The following COP1 variants were observed in gnomAD, a reference collection of about 807,000 sequenced individuals.
The protein encoded by COP1 is E3 ubiquitin-protein ligase COP1.
A neutral mutation model predicts 101.3 loss-of-function variants in COP1; 24 were observed. The observed-to-expected ratio is 0.24, with a 90% CI of 0.17 to 0.33. COP1 has a LOEUF of 0.33. Ranked by LOEUF, COP1 falls within the 10% of genes least tolerant of loss-of-function variation. The pLI, the probability that COP1 is intolerant of heterozygous loss-of-function variation, is 1.00. For synonymous variants in COP1, 347 were observed against 341.9 expected, an observed-to-expected ratio of 1.01 and a Z score of -0.17; for missense variants, 663 against 906.2, an observed-to-expected ratio of 0.73 and a Z score of 3.45.
intron 18 of COP1, among the ~76,000 whole-genome samples, chr1:175,949,121 C>T (rs553284049): frequency 4.0e-4 from 55 of 137,250 alleles, no homozygotes; most frequent in Middle Eastern, 4.2e-3. Flanking sequence ...AAAGATTGCA[C>T]CACTGCACTC....
At chr1:176,178,625 G>A (rs963155891) in intron 2 of COP1, among the ~76,000 whole-genome samples, 13 of 152,274 alleles carry the variant, frequency 8.5e-5, no homozygotes, top group African/African-American at 1.7e-4. Flanking sequence ...GCCAAGGCCG[G>A]CAGATCACCT....
At chr1:176,034,679 G>A (rs1435914345) in intron 14 of COP1, among the ~76,000 whole-genome samples, 1 of 152,156 alleles carries the variant, frequency 6.6e-6, no homozygotes. Flanking sequence ...TGCATTCACT[G>A]GCACAGTCAC....
chr1:176,116,696 G>C lies in COP1; in HGVS notation c.969-15C>G, dbSNP rs1345942025. 2 of 1,575,292 alleles carry C rather than the reference G, an allele frequency of 1.3e-6. No homozygotes were observed. Among genetic ancestry groups the C allele is most frequent in the Admixed American group, 3.5e-5 (2 of 56,454 alleles). On this transcript the variant is annotated splice_polypyrimidine_tract_variant and intron_variant, in intron 8 of 19. Transcript: ENST00000367669. ...CAATAATACTACTGCAAAATGAAGA[G>C]AAAAAAATGTGATTTCAGTATTTAC...
intron 18 of COP1, among the ~76,000 whole-genome samples, chr1:175,977,473 C>T (rs563586853): frequency 6.6e-6 from 1 of 152,156 alleles, no homozygotes; most frequent in South Asian, 2.1e-4. Context: ...GCAGTAATAA[C>T]CTTTTTATTT....
At chr1:176,151,362 AAAGAAAG>A (rs1558211791) in intron 5 of COP1, among the ~76,000 whole-genome samples, 1 of 58,738 alleles carries the variant, frequency 1.7e-5, no homozygotes, top group Non-Finnish European at 4.6e-5. Context: ...AAAAAGAAAG[AAAGAAAG>A]AAAGAAAGAA....
intron 18 of COP1, among the ~76,000 whole-genome samples, chr1:175,971,384 T>G (rs1469978138): frequency 7.2e-5 from 11 of 152,234 alleles, no homozygotes; most frequent in African/African-American, 2.4e-5. Context: ...TAGCAAATTC[T>G]TATTAAGCAA....
At chr1:176,018,993 C>G (rs1666178247) in intron 15 of COP1, among the ~76,000 whole-genome samples, 1 of 151,002 alleles carries the variant, frequency 6.6e-6, no homozygotes. Flanking sequence ...TGGTGAAACT[C>G]TGTCCCTACT....
rs1688873425 is a variant in COP1 at position 176,131,426 on chromosome 1, T to C, written c.968+3584A>G. ...AATACCATTATCTGGCTTCTGCTTT[T>C]CTTTTTCATTTAAATACATAATCTA... is the stretch of plus-strand genomic sequence containing the variant. On this transcript the variant is annotated intron_variant, in intron 8 of 19. Transcript: ENST00000367669. Among the ~76,000 whole-genome samples, 5 of 151,822 alleles carry C rather than the reference T, an allele frequency of 3.3e-5. No homozygotes were observed. The Admixed American group carries it at 3.3e-4, about 10-fold the overall frequency.
At chr1:176,143,411 G>A in intron 6 of COP1, among the ~76,000 whole-genome samples, 1 of 152,108 alleles carries the variant, frequency 6.6e-6, no homozygotes, top group Non-Finnish European at 1.5e-5. Context: ...TGCTTCTCCA[G>A]TAAGATCTTT....
chr1:176,114,115 C>T (rs942221917), intron 9 of COP1, among the ~76,000 whole-genome samples: 7 of 152,142 alleles, frequency 4.6e-5, no homozygotes, highest in Middle Eastern at 3.4e-3. Context: ...AAATGGCTAG[C>T]TATAAATGCC....
At chr1:175,970,536 G>C (rs1222293876) in intron 18 of COP1, among the ~76,000 whole-genome samples, 1 of 152,092 alleles carries the variant, frequency 6.6e-6, no homozygotes, top group Non-Finnish European at 1.5e-5. Context: ...TCAGGAAATA[G>C]AGCAGTTAAG....
intron 9 of COP1, among the ~76,000 whole-genome samples, chr1:176,106,547 G>A (rs547614368): frequency 6.6e-6 from 1 of 152,274 alleles, no homozygotes; most frequent in African/African-American, 2.4e-5. Context: ...CCCTGCACTT[G>A]ACAGATCAGC....
At position 176,025,613 on chromosome 1, in the gene COP1, A is replaced by T. The variant is rs1667530555; in HGVS notation, c.1729+1959T>A. Among the ~76,000 whole-genome samples, 5 of 152,078 alleles carry T rather than the reference A, an allele frequency of 3.3e-5. No individual in the cohort carries two copies. The South Asian group carries it at 1.0e-3, about 31-fold the overall frequency. ...CTCATTGAAAGACAGAAAACAACCC[A>T]AACAATAGCCAGGGCGCAGTGATCC... On this transcript the variant is annotated intron_variant, in intron 15 of 19. Transcript: ENST00000367669.
intron 18 of COP1, among the ~76,000 whole-genome samples, chr1:175,961,230 T>C (rs1433818652): frequency 6.6e-6 from 1 of 152,178 alleles, no homozygotes; most frequent in African/African-American, 2.4e-5. Context: ...AACCCTGTCA[T>C]AGATCTAACT....
intron 14 of COP1, among the ~76,000 whole-genome samples, chr1:176,034,474 A>C (rs1669153473): frequency 6.6e-6 from 1 of 152,160 alleles, no homozygotes; most frequent in African/African-American, 2.4e-5. Context: ...TATTTTTCTT[A>C]TTTATTCTCT....
intron 18 of COP1, among the ~76,000 whole-genome samples, chr1:175,973,984 G>A (rs954995932): frequency 4.6e-5 from 7 of 152,180 alleles, no homozygotes; most frequent in African/African-American, 1.7e-4. Context: ...TATGCAAGTG[G>A]TAAGAGATTG....
At chr1:176,014,312 T>C (rs1276639678) in intron 15 of COP1, among the ~76,000 whole-genome samples, 3 of 152,212 alleles carry the variant, frequency 2.0e-5, no homozygotes, top group Non-Finnish European at 4.4e-5. Context: ...TCTACTCTCA[T>C]CAATGCAAGT....
chr1:176,134,010 C>T (rs975637912), intron 8 of COP1: 7 of 381,418 alleles, frequency 1.8e-5, no homozygotes, highest in African/African-American at 8.5e-5. Context: ...CCAGAATTAA[C>T]GAACTCACAA....
chr1:176,031,220 A>C (rs1314243919), intron 14 of COP1, among the ~76,000 whole-genome samples: 2 of 152,192 alleles, frequency 1.3e-5, no homozygotes, highest in African/African-American at 4.8e-5. Context: ...GCCCTAAAAA[A>C]CTAATACAAC....
Sources: gnomAD v4.1 joint callset for allele counts (sites outside exome capture counted in the v4.1 genomes callset) on GRCh38, gnomAD v4.1.1 for gene constraint, MANE v1.5 for transcripts, NCBI Gene and HGNC (gene_info 2026-07-23, HGNC 2026-07-21) for gene names.